The following SHANK2 variants were observed in gnomAD, a reference collection of about 807,000 sequenced individuals.
SHANK2 encodes the protein SH3 and multiple ankyrin repeat domains protein 2.
Under a neutral mutation model 133.7 loss-of-function variants are expected in SHANK2, and 43 were observed. The ratio of observed to expected loss-of-function variants is 0.32; its 90% CI spans 0.25 to 0.41. The LOEUF (loss-of-function observed/expected upper bound fraction) is 0.41. Ranked by LOEUF, SHANK2 falls within the 10% of genes least tolerant of loss-of-function variation. SHANK2 has a pLI of 1.00. For missense variants in SHANK2, 1,994 were observed against 2,235.8 expected, an observed-to-expected ratio of 0.89 and a Z score of 2.18; for synonymous variants, 1,017 against 952.8, an observed-to-expected ratio of 1.07 and a Z score of -1.24.
intron 17 of SHANK2, among the ~76,000 whole-genome samples, chr11:70,573,316 C>T (rs1373983604): frequency 1.5e-4 from 1 of 6,758 alleles, no homozygotes; most frequent in Non-Finnish European, 3.5e-4. Context: ...GTCACTCCAG[C>T]GGTGGGGGGG....
At chr11:71,174,405 G>C (rs1333645850) in intron 2 of SHANK2, among the ~76,000 whole-genome samples, 8 of 152,156 alleles carry the variant, frequency 5.3e-5, no homozygotes, top group Admixed American at 4.6e-4. Flanking sequence ...AATCAGGCCG[G>C]GTGTGGTGGC....
chr11:70,765,864 T>A (rs1562192), intron 14 of SHANK2, among the ~76,000 whole-genome samples: 1 of 152,058 alleles, frequency 6.6e-6, no homozygotes, highest in African/African-American at 2.4e-5. Context: ...TTGTACCTTA[T>A]ATCCTGAACT....
At chr11:70,790,389 A>G (rs781884590) in intron 14 of SHANK2, among the ~76,000 whole-genome samples, 4 of 152,236 alleles carry the variant, frequency 2.6e-5, no homozygotes, top group Non-Finnish European at 4.4e-5. Context: ...CCAGTTATGC[A>G]GCCAAGCACT....
chr11:70,481,964 AC>A (rs35524147), intron 25 of SHANK2, among the ~76,000 whole-genome samples: 146,889 of 152,078 alleles, frequency 0.97, 71,100 homozygotes, highest in East Asian at 1. Flanking sequence ...TCCGTCCTGG[AC>A]CCCCCCCCAG....
chr11:70,819,110 G>A (rs563327439), intron 12 of SHANK2, among the ~76,000 whole-genome samples: 2 of 152,360 alleles, frequency 1.3e-5, no homozygotes, highest in East Asian at 1.9e-4. Flanking sequence ...ATGTAGGATG[G>A]GGGCGAGGGT....
intron 17 of SHANK2, among the ~76,000 whole-genome samples, chr11:70,575,746 G>GC (rs1260990674): frequency 6.6e-6 from 1 of 151,736 alleles, no homozygotes; most frequent in Non-Finnish European, 1.5e-5. Context: ...AGACTCTAGG[G>GC]CTGTGAGGTG....
chr11:70,739,623 C>A lies in SHANK2; in HGVS notation c.1778-40860G>T, dbSNP rs548130337. On this transcript the variant is annotated intron_variant, in intron 14 of 25. Coordinates refer to ENST00000601538, the MANE Select transcript of SHANK2 (RefSeq NM_012309.5). This position sits in a 1 kb window ranked among gnomAD's most constrained non-coding sequence, Gnocchi z 4.3. ...GTGAGGTTGGTCCAGGGTCCCACCACCAGCCAGGGTCAGCTGGGCCCCAGG... is the reference window on the plus strand; with the variant it reads ...GTGAGGTTGGTCCAGGGTCCCACCAACAGCCAGGGTCAGCTGGGCCCCAGG... Among the ~76,000 whole-genome samples the A allele has an allele frequency of 3.2e-4, 48 of 152,308 alleles. No individual in the cohort carries two copies. The highest frequency in any genetic ancestry group is 9.1e-4 in the Admixed American group (14 of 15,306).
At chr11:71,140,917 T>C (rs1214988890) in intron 3 of SHANK2, among the ~76,000 whole-genome samples, 1 of 152,204 alleles carries the variant, frequency 6.6e-6, no homozygotes, top group Non-Finnish European at 1.5e-5. Context: ...AAGCAGTTGG[T>C]GGCACACCCA....
chr11:71,166,474 TTTTTTTTCTTTTC>T (rs1953152685), intron 2 of SHANK2, among the ~76,000 whole-genome samples: 1 of 138,130 alleles, frequency 7.2e-6, no homozygotes, highest in African/African-American at 3.0e-5. Flanking sequence ...TCCACACGTC[TTTTTTTTCTTTTC>T]TTTTTTTTTT....
In SHANK2 at chr11:70,500,901, G is replaced by A; in HGVS notation, c.2288-311C>T. ...ACCAGCACCCTGCCAAAGTAGGGAG[G>A]AGTTCTCAGAGCAGACATGAGCAGA... On this transcript the variant is annotated intron_variant, in intron 20 of 25. Coordinates refer to ENST00000601538, the MANE Select transcript of SHANK2 (RefSeq NM_012309.5). This position sits in a 1 kb window ranked among gnomAD's most constrained non-coding sequence, Gnocchi z 4.5. 1.6e-6 allele frequency: 1 copy of A among 628,118 alleles called. No homozygotes were observed. The highest frequency in any genetic ancestry group is 2.9e-6 in the Non-Finnish European group (1 of 343,890). 38.9% of individuals were successfully genotyped at this position (628,118 alleles called of 1,614,324 possible).
chr11:71,154,013 A>C (rs564483123), intron 2 of SHANK2, among the ~76,000 whole-genome samples: 44 of 95,662 alleles, frequency 4.6e-4, no homozygotes, highest in African/African-American at 2.8e-3. Flanking sequence ...GAGTTTCCTC[A>C]TCTGAACTCT....
intron 2 of SHANK2, among the ~76,000 whole-genome samples, chr11:71,179,444 T>G (rs1461371862): frequency 2.6e-5 from 4 of 152,208 alleles, no homozygotes; most frequent in Admixed American, 2.6e-4. Flanking sequence ...AAAGCAGAAC[T>G]GGAAGGGAGT....
At chr11:70,509,013 T>C (rs2059167277) in intron 17 of SHANK2, among the ~76,000 whole-genome samples, 1 of 152,320 alleles carries the variant, frequency 6.6e-6, no homozygotes, top group Non-Finnish European at 1.5e-5. Flanking sequence ...TCAGCTCCTA[T>C]GGGAGAGGCC....
At chr11:70,783,904 G>A (rs1947573427) in intron 14 of SHANK2, among the ~76,000 whole-genome samples, 1 of 152,312 alleles carries the variant, frequency 6.6e-6, no homozygotes, top group Admixed American at 6.5e-5. Context: ...TGGATTCTGG[G>A]TCTGACCTGC....
At chr11:70,654,488 C>T (rs557469015) in intron 17 of SHANK2, 1 of 152,134 alleles carries the variant, frequency 6.6e-6, no homozygotes, top group Non-Finnish European at 1.5e-5. Context: ...TTAATATTTC[C>T]TTTCCTTTTT....
At chr11:70,714,969 C>T (rs1350766599) in intron 14 of SHANK2, among the ~76,000 whole-genome samples, 2 of 142,746 alleles carry the variant, frequency 1.4e-5, no homozygotes, top group South Asian at 2.3e-4. Context: ...CCACACTTGG[C>T]TTTTTTTTTT....
At chr11:70,678,531 G>GTTTTTT (rs1565235163) in intron 15 of SHANK2, among the ~76,000 whole-genome samples, 1 of 126,744 alleles carries the variant, frequency 7.9e-6, no homozygotes, top group African/African-American at 3.6e-5. Context: ...CTAAGAACAG[G>GTTTTTT]CTTTTTTTTT....
Position 70,473,387 on chromosome 11 carries a change from A to G in SHANK2, c.5032T>C (p.Phe1678Leu), listed in dbSNP as rs375518373. 63 of 1,610,716 alleles carry G rather than the reference A, an allele frequency of 3.9e-5. No individual in the cohort carries two copies. The African/African-American group carries it at 7.3e-4, about 19-fold the overall frequency. ...TGGGAGGTGCCGGGGCGAACAGTGA[A>G]GGTGACCGTCGTGCTCCGTGTACCT... is the stretch of plus-strand genomic sequence containing the variant. ...ISGTRSTTVT[F>L]TVRPGTSQPI... Residue 1678 changes from phenylalanine (F) to leucine (L), a missense_variant, in exon 26 of 26, where the codon TTC becomes CTC. Phe to Leu is a conservative substitution (Grantham distance 22, BLOSUM62 0). This residue lies in a region of SHANK2 where 797 missense variants were observed against 907.4 expected (regional missense o/e 0.88). Coordinates refer to ENST00000601538, the MANE Select transcript of SHANK2 (RefSeq NM_012309.5). This position sits in a 1 kb window ranked among gnomAD's most constrained non-coding sequence, Gnocchi z 5.9.
chr11:71,056,211 T>C (rs1319190390), intron 10 of SHANK2, among the ~76,000 whole-genome samples: 1 of 152,208 alleles, frequency 6.6e-6, no homozygotes, highest in African/African-American at 2.4e-5. Flanking sequence ...ACGTCTTTGC[T>C]GCCTTTCCGG....
Sources: allele counts gnomAD v4.1 joint callset (sites outside exome capture counted in the v4.1 genomes callset), GRCh38; gene constraint gnomAD v4.1.1; regional missense constraint gnomAD v4.1.1; non-coding constraint Gnocchi (gnomAD v3.1); transcripts MANE v1.5; gene names NCBI Gene and HGNC (gene_info 2026-07-23, HGNC 2026-07-21).